Variants in SNAP91 observed in about 807,000 individuals in gnomAD.
SNAP91 encodes the protein clathrin coat assembly protein AP180.
SNAP91 carries 27 observed loss-of-function variants against 100.3 expected under a neutral mutation model. The observed-to-expected ratio is 0.27, with a 90% CI of 0.20 to 0.37. The LOEUF is 0.37. SNAP91 is among the 10% of genes least tolerant of loss of function. SNAP91 has a pLI of 1.00. For missense variants in SNAP91, 986 were observed against 1,123.7 expected (o/e 0.88, Z 1.75); for synonymous variants, 404 against 398.6 (o/e 1.01, Z -0.16).
chr6:83,650,272 C>A (rs1351797469), intron 7 of SNAP91, among the ~76,000 whole-genome samples: 1 of 152,182 alleles, frequency 6.6e-6, no homozygotes, highest in African/African-American at 2.4e-5. Context: ...TGGAAGACAT[C>A]TAAGACATTA....
chr6:83,560,466 T>C (rs1562092277), intron 27 of SNAP91, among the ~76,000 whole-genome samples: 1 of 152,230 alleles, frequency 6.6e-6, no homozygotes. Context: ...TGTTTATTCA[T>C]CTTCTGTAAG....
Position 83,582,259 on chromosome 6 carries a change from CGTT to C in SNAP91, c.2109_2111del (p.Thr704del), listed in dbSNP as rs773421224. On this transcript the variant is annotated inframe_deletion, in exon 23 of 30. Transcript: ENST00000369694. ...AGGAGCTGCTGCTGGAAGTTGAAGG[CGTT>C]GTCCCAAAAGCTGCCTCAAAATTGG... The C allele has an allele frequency of 6.2e-7, 1 of 1,613,478 alleles. No homozygotes were observed. The highest frequency in any genetic ancestry group is 8.5e-7 in the Non-Finnish European group (1 of 1,179,692).
intron 14 of SNAP91, among the ~76,000 whole-genome samples, chr6:83,602,719 T>C (rs2095345203): frequency 6.6e-6 from 1 of 152,170 alleles, no homozygotes; most frequent in Non-Finnish European, 1.5e-5. Context: ...AAAGCTGACT[T>C]TTCTATTGCT....
At chr6:83,645,991 G>GC (rs200470312) in intron 7 of SNAP91, among the ~76,000 whole-genome samples, 1,763 of 152,256 alleles carry the variant, frequency 0.012, 28 homozygotes, top group African/African-American at 0.041. Flanking sequence ...GATTGATATT[G>GC]CATTTCCTTT....
chr6:83,598,922 G>A (rs567764960), intron 16 of SNAP91, among the ~76,000 whole-genome samples: 2 of 152,066 alleles, frequency 1.3e-5, no homozygotes, highest in African/African-American at 4.8e-5. Flanking sequence ...ACAATTTATA[G>A]AACTAAACAG....
At chr6:83,677,496 T>A (rs1376910625) in intron 2 of SNAP91, among the ~76,000 whole-genome samples, 1 of 152,136 alleles carries the variant, frequency 6.6e-6, no homozygotes, top group East Asian at 1.9e-4. Context: ...TGCACCACTA[T>A]TACTTCAGAA....
chr6:83,610,710 A>ACTATAT (rs2095967180), intron 11 of SNAP91, 33 bp from the exon 12 acceptor site: 1 of 210,344 alleles, frequency 4.8e-6, no homozygotes, highest in Non-Finnish European at 9.1e-6. Flanking sequence ...ATTAAAACTG[A>ACTATAT]ATATATATAT....
At chr6:83,648,291 AT>A (rs949105017) in intron 7 of SNAP91, among the ~76,000 whole-genome samples, 24 of 152,186 alleles carry the variant, frequency 1.6e-4, no homozygotes, top group African/African-American at 5.8e-4. Context: ...GTAACAGTTA[AT>A]TCCTTTTTAT....
chr6:83,658,087 CT>C (rs1461725937), intron 6 of SNAP91, among the ~76,000 whole-genome samples: 1 of 151,932 alleles, frequency 6.6e-6, no homozygotes, highest in Non-Finnish European at 1.5e-5. Flanking sequence ...CCTCAAGATT[CT>C]TCAAAATTAA....
intron 8 of SNAP91, among the ~76,000 whole-genome samples, chr6:83,634,409 CCA>C (rs1449714495): frequency 6.6e-6 from 1 of 152,188 alleles, no homozygotes; most frequent in Non-Finnish European, 1.5e-5. Flanking sequence ...TTTCCTGCCT[CCA>C]CAGTTTGGGC....
At position 83,607,329 on chromosome 6, in the gene SNAP91, T is replaced by TTGTGTGTGTGTGTGTG. The variant is rs61335064; in HGVS notation, c.1022+354_1022+369dup. On this transcript the variant is annotated intron_variant, in intron 13 of 29. Coordinates refer to ENST00000369694, the MANE Select transcript of SNAP91 (RefSeq NM_001242792.2). The stretch of plus-strand genomic sequence containing the variant: ...ATTGGTCAAACAATTCCAAGTTGGG[T>TTGTGTGTGTGTGTGTG]TGTGTGTGTGTGTGTGTGTGTGTGT... Among the ~76,000 whole-genome samples the TTGTGTGTGTGTGTGTG allele has an allele frequency of 1.1e-3, 156 of 144,886 alleles. 1 individual carries two copies. Among genetic ancestry groups the TTGTGTGTGTGTGTGTG allele is most frequent in the African/African-American group, 3.1e-3 (122 of 38,926 alleles).
chr6:83,641,251 T>G, intron 7 of SNAP91, 49 bp from the exon 8 acceptor site: 1 of 821,028 alleles, frequency 1.2e-6, no homozygotes, highest in Admixed American at 3.7e-5. Context: ...TTATGTTCTA[T>G]TTTTTTCTAA....
At chr6:83,670,205 T>C (rs1387533340) in intron 2 of SNAP91, among the ~76,000 whole-genome samples, 1 of 151,522 alleles carries the variant, frequency 6.6e-6, no homozygotes, top group Non-Finnish European at 1.5e-5. Flanking sequence ...GTATGAGCAT[T>C]CTAGTTGCTC....
chr6:83,706,190 T>A (rs1175134740), intron 2 of SNAP91, among the ~76,000 whole-genome samples: 1 of 152,230 alleles, frequency 6.6e-6, no homozygotes, highest in African/African-American at 2.4e-5. Flanking sequence ...GTATACTGAT[T>A]TATCATTTTA....
rs1460072105 is a variant in SNAP91, at chr6:83,601,253, G to A, written c.1324+18C>T. The A allele has an allele frequency of 6.2e-7, 1 of 1,611,512 alleles. No homozygotes were observed. Among genetic ancestry groups the A allele is most frequent in the South Asian group, 1.1e-5 (1 of 90,784 alleles). On this transcript the variant is annotated intron_variant, in intron 16 of 29. Transcript: ENST00000369694. Reference sequence around the variant, plus strand: ...TAGCAATCCTGAAAAAATGAAAGTAGCAGCGAGACTAACTAACCTCCAAAG... The same window carrying A: ...TAGCAATCCTGAAAAAATGAAAGTAACAGCGAGACTAACTAACCTCCAAAG...
intron 2 of SNAP91, among the ~76,000 whole-genome samples, chr6:83,704,560 G>A (rs2099355673): frequency 6.6e-6 from 1 of 151,744 alleles, no homozygotes; most frequent in Non-Finnish European, 1.5e-5. Context: ...CATTTTATAA[G>A]TCACCATGAC....
intron 3 of SNAP91, among the ~76,000 whole-genome samples, chr6:83,663,042 A>C (rs1458713399): frequency 1.3e-5 from 2 of 152,060 alleles, no homozygotes; most frequent in Non-Finnish European, 2.9e-5. Flanking sequence ...GTCATCAGTG[A>C]TCTTTGATGT....
At chr6:83,686,105 C>T (rs866518185) in intron 2 of SNAP91, 1 of 933,992 alleles carries the variant, frequency 1.1e-6, no homozygotes, top group African/African-American at 1.8e-5. Flanking sequence ...TTGTTGTGAA[C>T]CTGGAACATA....
At chr6:83,644,176 C>A (rs1040280465) in intron 7 of SNAP91, among the ~76,000 whole-genome samples, 1 of 152,124 alleles carries the variant, frequency 6.6e-6, no homozygotes, top group African/African-American at 2.4e-5. Context: ...TCTCAATTTC[C>A]TTTTAGAACC....
Sources: gnomAD v4.1 joint callset for allele counts (sites outside exome capture counted in the v4.1 genomes callset) on GRCh38, gnomAD v4.1.1 for gene constraint, MANE v1.5 for transcripts, NCBI Gene and HGNC (gene_info 2026-07-23, HGNC 2026-07-21) for gene names.